The following ZNF280D variants were observed in gnomAD, a reference collection of about 807,000 sequenced individuals.
The protein encoded by ZNF280D is suppressor of hairy wing homolog 4.
In ZNF280D, 39 loss-of-function variants were observed where a neutral mutation model predicts 94.7. That is an observed-to-expected ratio of 0.41 (90% CI 0.32 to 0.54). The LOEUF (loss-of-function observed/expected upper bound fraction) is 0.54, where lower values mean the gene tolerates loss of function less well. Among genes scored for constraint, ZNF280D ranks in the 20% least tolerant of loss-of-function variants. ZNF280D has a pLI of 0.22. For synonymous variants in ZNF280D, 398 were observed against 377.6 expected, an observed-to-expected ratio of 1.05 and a Z score of -0.63; for missense variants, 1,090 against 1,149.3, an observed-to-expected ratio of 0.95 and a Z score of 0.75.
chr15:56,635,241 T>C lies in ZNF280D; in HGVS notation c.2269A>G (p.Arg757Gly). 1 of 1,529,516 alleles carries C rather than the reference T, an allele frequency of 6.5e-7. No homozygotes were observed. The highest frequency in any genetic ancestry group is 2.5e-5 in the East Asian group (1 of 40,238). 94.7% of individuals were successfully genotyped at this position (1,529,516 alleles called of 1,614,324 possible). A position where few individuals can be genotyped will look rare whatever the true frequency, so the allele number is the denominator to read the frequency against. Residue 757 changes from arginine to glycine, a missense_variant, in exon 21 of 22, where the codon AGA becomes GGA. Transcript: ENST00000267807. Reference protein sequence around the residue: ...EQEPVSKEIARPNMAERETET... With the variant: ...EQEPVSKEIAGPNMAERETET... ...GTTTCTCTTTCAGCCATGTTAGGTCTTGCAATTTCCTGAAATAATTAATAA... is the reference window on the plus strand; with the variant it reads ...GTTTCTCTTTCAGCCATGTTAGGTCCTGCAATTTCCTGAAATAATTAATAA...
chr15:56,655,057 C>T (rs2053455938), intron 17 of ZNF280D, among the ~76,000 whole-genome samples: 1 of 152,138 alleles, frequency 6.6e-6, no homozygotes. Context: ...GTTTTAGCCA[C>T]CATCGATTGT....
Position 56,700,999 on chromosome 15 carries a change from T to C in ZNF280D, c.315A>G (p.Pro105=), listed in dbSNP as rs371054655. ...NPTSNPVPAS[P]INFHPESRSS... ...ATCTAGACTCAGGATGAAAATTTAT[T>C]GGTGAGGCAGGCACTGGATTTGATG... The change falls in exon 6 of 22, where the codon CCA becomes CCG. Residue 105 remains proline, a synonymous_variant. Transcript: ENST00000267807. 60 of 1,613,966 alleles carry C rather than the reference T, an allele frequency of 3.7e-5. No individual in the cohort carries two copies. In the African/African-American group the frequency reaches 7.9e-4, roughly 21 times the overall value.
chr15:56,727,780 T>C (rs754550390), intron 1 of ZNF280D, among the ~76,000 whole-genome samples: 3 of 152,210 alleles, frequency 2.0e-5, no homozygotes, highest in Non-Finnish European at 4.4e-5. Flanking sequence ...ATGATGGTAG[T>C]GAAAATGACT....
intron 7 of ZNF280D, among the ~76,000 whole-genome samples, 160 bp downstream of exon 7, chr15:56,692,938 A>C (rs2056510800): frequency 6.6e-6 from 1 of 152,140 alleles, no homozygotes; most frequent in South Asian, 2.1e-4. Flanking sequence ...TTTTACAGAA[A>C]ATTACCCACA....
rs2054306733 is a variant in ZNF280D, at chr15:56,666,600, T to C, written c.1854-65A>G. On this transcript the variant is annotated intron_variant, in intron 15 of 21. Coordinates refer to ENST00000267807, the MANE Select transcript of ZNF280D (RefSeq NM_017661.4). Reference sequence around the variant, plus strand: ...AAACAAAAATAATAAGGAAGAGCCTTAATAATGTTCTCTTAACTAAAGTAT... The same window carrying C: ...AAACAAAAATAATAAGGAAGAGCCTCAATAATGTTCTCTTAACTAAAGTAT... 2.0e-6 allele frequency: 3 copies of C among 1,521,428 alleles called. 1 individual carries two copies. The highest frequency in any genetic ancestry group is 2.5e-5 in the South Asian group (2 of 78,700). 94.2% of individuals were successfully genotyped at this position (1,521,428 alleles called of 1,614,324 possible). A position where few individuals can be genotyped will look rare whatever the true frequency, so the allele number is the denominator to read the frequency against.
rs141677547 is a variant in ZNF280D at position 56,707,830 on chromosome 15, T to A, written c.-85-524A>T. On this transcript the variant is annotated intron_variant, in intron 1 of 21. Coordinates refer to ENST00000267807, the MANE Select transcript of ZNF280D (RefSeq NM_017661.4). ...ATGGCCTTCTGTATGGAAGGTAATGTGCTAAGCTCAGGGGAAAACAAAAAT... is the reference window on the plus strand; with the variant it reads ...ATGGCCTTCTGTATGGAAGGTAATGAGCTAAGCTCAGGGGAAAACAAAAAT... 7.0e-3 allele frequency among the ~76,000 whole-genome samples: 1,064 copies of A among 151,910 alleles called. 17 individuals carry two copies. Among genetic ancestry groups the A allele is most frequent in the African/African-American group, 0.024 (1,005 of 41,444 alleles).
At chr15:56,675,436 T>C (rs2055155920) in intron 13 of ZNF280D, among the ~76,000 whole-genome samples, 1 of 151,612 alleles carries the variant, frequency 6.6e-6, no homozygotes. Context: ...GAAGATACTT[T>C]TTTTTTTTTA....
intron 20 of ZNF280D, among the ~76,000 whole-genome samples, chr15:56,642,054 G>C (rs2052655586): frequency 6.6e-6 from 1 of 151,248 alleles, no homozygotes; most frequent in Admixed American, 6.6e-5. Context: ...AGACAATAAG[G>C]GATACTATAA....
In ZNF280D at chr15:56,686,000, A is replaced by G. The variant is rs373429845; in HGVS notation, c.780+3041T>C. Among the ~76,000 whole-genome samples, 20 of 152,340 alleles carry G rather than the reference A, an allele frequency of 1.3e-4. 1 individual carries two copies. The South Asian group carries it at 3.7e-3, about 28-fold the overall frequency. On this transcript the variant is annotated intron_variant, in intron 9 of 21. Transcript: ENST00000267807. ...AAGAGTTGAAAATAAAAGACTAAAC[A>G]AAGAATACACCAGGTAAATGGAAAC...
intron 1 of ZNF280D, among the ~76,000 whole-genome samples, chr15:56,713,184 A>G (rs1376019139): frequency 6.6e-6 from 1 of 152,186 alleles, no homozygotes; most frequent in Non-Finnish European, 1.5e-5. Flanking sequence ...TGCATTACTA[A>G]CCAAGAAGTT....
Position 56,668,913 on chromosome 15 carries a change from C to T in ZNF280D, c.1455G>A (p.Leu485=), listed in dbSNP as rs768197616. The change falls in exon 14 of 22, where the codon TTG becomes TTA. Residue 485 remains leucine, a synonymous_variant. Transcript: ENST00000267807. ...HRCTKCRLQF[L]TCKEKMDHKT... Reference sequence around the variant, plus strand: ...TATGATCCATTTTCTCCTTGCATGTCAAAAACTGCAGCCTGCATTTTGTAC... The same window carrying T: ...TATGATCCATTTTCTCCTTGCATGTTAAAAACTGCAGCCTGCATTTTGTAC... 1.2e-6 allele frequency: 2 copies of T among 1,611,706 alleles called. No homozygotes were observed. Among genetic ancestry groups the T allele is most frequent in the East Asian group, 2.2e-5 (1 of 44,708 alleles).
At chr15:56,731,041 C>A (rs2058856659) in intron 1 of ZNF280D, among the ~76,000 whole-genome samples, 1 of 152,030 alleles carries the variant, frequency 6.6e-6, no homozygotes, top group Non-Finnish European at 1.5e-5. Flanking sequence ...ATGAAGTATT[C>A]CTGTCAAAAA....
intron 9 of ZNF280D, among the ~76,000 whole-genome samples, chr15:56,684,911 C>CA (rs141700443): frequency 0.033 from 5,075 of 152,176 alleles, 247 homozygotes; most frequent in African/African-American, 0.11. Flanking sequence ...AAATTCCCAA[C>CA]ACCAAGTTAT....
chr15:56,689,225 T>A (rs2056269352), intron 8 of ZNF280D, 75 bp from the exon 9 acceptor site: 2 of 1,550,294 alleles, frequency 1.3e-6, no homozygotes, highest in East Asian at 2.3e-5. Flanking sequence ...ATAATACTTT[T>A]AAAATTTATA....
intron 1 of ZNF280D, among the ~76,000 whole-genome samples, chr15:56,717,724 T>C (rs2058120541): frequency 6.6e-6 from 1 of 152,158 alleles, no homozygotes; most frequent in Admixed American, 6.5e-5. Context: ...AATTTAGTTA[T>C]ACAGGGTAAG....
chr15:56,712,077 C>T (rs1310647953), intron 1 of ZNF280D, among the ~76,000 whole-genome samples: 2 of 152,192 alleles, frequency 1.3e-5, no homozygotes, highest in African/African-American at 4.8e-5. Flanking sequence ...ACATGACCTT[C>T]ATTACAGTGA....
chr15:56,703,671 T>C lies in ZNF280D; in HGVS notation c.175+450A>G, dbSNP rs191731485. Among the ~76,000 whole-genome samples the C allele has an allele frequency of 4.2e-4, 64 of 152,108 alleles. 1 individual carries two copies. Among genetic ancestry groups the C allele is most frequent in the African/African-American group, 1.4e-3 (56 of 41,476 alleles). On this transcript the variant is annotated intron_variant, in intron 4 of 21. Coordinates refer to ENST00000267807, the MANE Select transcript of ZNF280D (RefSeq NM_017661.4). Reference sequence around the variant, plus strand: ...GAGTTCGAGAGCAGCCTGGGCAGCATGGTGAGACCCTGTCTCTACAAAAAA... The same window carrying C: ...GAGTTCGAGAGCAGCCTGGGCAGCACGGTGAGACCCTGTCTCTACAAAAAA...
At chr15:56,700,180 A>T in intron 6 of ZNF280D, 1 of 978,958 alleles carries the variant, frequency 1.0e-6, no homozygotes, top group Non-Finnish European at 1.2e-6. Context: ...AAAAAAGTGT[A>T]CATTTATACA....
chr15:56,667,238 G>A (rs940835030), intron 14 of ZNF280D, among the ~76,000 whole-genome samples: 7 of 152,100 alleles, frequency 4.6e-5, no homozygotes, highest in Non-Finnish European at 8.8e-5. Flanking sequence ...ATAATTAGGA[G>A]TTAATACAAA....
Sources: allele counts gnomAD v4.1 joint callset (sites outside exome capture counted in the v4.1 genomes callset), GRCh38; gene constraint gnomAD v4.1.1; transcripts MANE v1.5; gene names NCBI Gene and HGNC (gene_info 2026-07-23, HGNC 2026-07-21).